MYH8: variants seen among roughly 807,000 people sequenced by gnomAD.
The protein encoded by MYH8 is myosin-8.
In MYH8, 168 loss-of-function variants were observed where a neutral mutation model predicts 233.2. The ratio of observed to expected loss-of-function variants is 0.72; its 90% CI spans 0.64 to 0.82. MYH8 has a LOEUF of 0.82. Ranked by LOEUF, MYH8 falls within the 40% of genes least tolerant of loss-of-function variation. The pLI, the probability that MYH8 is intolerant of heterozygous loss-of-function variation, is 0.00. For missense variants in MYH8, 1,995 were observed against 2,327.8 expected, an observed-to-expected ratio of 0.86 and a Z score of 2.94; for synonymous variants, 785 against 850.6, an observed-to-expected ratio of 0.92 and a Z score of 1.34.
chr17:10,392,648 T>G lies in MYH8; in HGVS notation c.5464-2A>C. The G allele has an allele frequency of 6.2e-7, 1 of 1,614,110 alleles. No individual in the cohort carries two copies. Among genetic ancestry groups the G allele is most frequent in the Non-Finnish European group, 8.5e-7 (1 of 1,179,980 alleles). On this transcript the variant is annotated splice_acceptor_variant, in intron 37 of 39. Coordinates refer to ENST00000403437, the MANE Select transcript of MYH8 (RefSeq NM_002472.3). LOFTEE classifies it high-confidence loss of function. ...AACCTCTCCTTCAAGCTCACGTACC[T>G]GCAGCCAAGAAAAATACTTACGCAG...
intron 15 of MYH8, among the ~76,000 whole-genome samples, chr17:10,410,396 C>G (rs1470717185): frequency 6.6e-6 from 1 of 152,190 alleles, no homozygotes; most frequent in African/African-American, 2.4e-5. Flanking sequence ...CATGAAAGCA[C>G]TAACTGTGTC....
chr17:10,404,906 G>A (rs544242862), intron 21 of MYH8, among the ~76,000 whole-genome samples: 2 of 152,230 alleles, frequency 1.3e-5, no homozygotes, highest in East Asian at 3.9e-4. Context: ...TATTTTGAAT[G>A]TATGATCAGC....
chr17:10,405,914 G>A, intron 21 of MYH8, 127 bp downstream of exon 21: 3 of 1,157,186 alleles, frequency 2.6e-6, no homozygotes, highest in Non-Finnish European at 3.8e-6. Context: ...CTGCTGTGTT[G>A]TAGGAGTGAG....
In MYH8 at chr17:10,420,130, G is replaced by C. The variant is rs753981095; in HGVS notation, c.98C>G (p.Pro33Arg). Residue 33 changes from proline (P) to arginine (R), a missense_variant, in exon 3 of 40, where the codon CCG becomes CGG. Pro to Arg is a moderately radical substitution (Grantham distance 103, BLOSUM62 -2). This residue lies in a region of MYH8 where 479 missense variants were observed against 600.9 expected (regional missense o/e 0.80). Coordinates refer to ENST00000403437, the MANE Select transcript of MYH8 (RefSeq NM_002472.3). ...EKERIEAQNK[P>R]FDAKTSVFVA... The stretch of plus-strand genomic sequence containing the variant: ...AAAGACAGATGTTTTAGCATCAAAC[G>C]GCTTGTTTTGGGCCTCAATCCGCTC... The C allele has an allele frequency of 2.5e-6, 4 of 1,614,190 alleles. No homozygotes were observed. Among genetic ancestry groups the C allele is most frequent in the South Asian group, 2.2e-5 (2 of 91,086 alleles).
At chr17:10,401,892 C>T in intron 22 of MYH8, 107 bp from the exon 23 acceptor site, 1 of 1,425,738 alleles carries the variant, frequency 7.0e-7, no homozygotes, top group Non-Finnish European at 9.8e-7. Flanking sequence ...TTGAATTTTT[C>T]AGTATGAATA....
rs886052556 is a variant in MYH8, at chr17:10,395,185, C to T, written c.4910G>A (p.Arg1637His). 2.9e-5 allele frequency: 46 copies of T among 1,613,960 alleles called. No individual in the cohort carries two copies. Among genetic ancestry groups the T allele is most frequent in the Non-Finnish European group, 3.4e-5 (40 of 1,180,034 alleles). Residue 1637 changes from arginine (R) to histidine (H), a missense_variant, in exon 34 of 40, where the codon CGC (arginine) becomes CAC (histidine). Physicochemically the swap from Arg to His is conservative, Grantham distance 29. This residue lies in a region of MYH8 where 1,498 missense variants were observed against 1,680.9 expected (regional missense o/e 0.89). Coordinates refer to ENST00000403437, the MANE Select transcript of MYH8 (RefSeq NM_002472.3). The stretch of plus-strand genomic sequence containing the variant: ...GTTCCTTAAACTCTCTGCAGCTAAG[C>T]GATTGGCATGGTTCAGCTGGATTTC... ...EMEIQLNHAN[R>H]LAAESLRNYR...
Position 10,415,770 on chromosome 17 carries a change from C to T in MYH8, c.512-62G>A. On this transcript the variant is annotated intron_variant, in intron 5 of 39. Transcript: ENST00000403437. This position sits in a 1 kb window ranked among gnomAD's most constrained non-coding sequence, Gnocchi z 4.1. ...ATATTTAATATGAAGAGTATTGAAT[C>T]AGTTCAGATCAAACACAGCTTGTTC... is the stretch of plus-strand genomic sequence containing the variant. 6.6e-7 allele frequency: 1 copy of T among 1,520,664 alleles called. No homozygotes were observed. The highest frequency in any genetic ancestry group is 9.0e-7 in the Non-Finnish European group (1 of 1,109,206). The allele number at this position is 1,520,664 out of a possible 1,614,324, so 94.2% of individuals were successfully genotyped here.
chr17:10,402,875 T>C (rs2072156300), intron 22 of MYH8, among the ~76,000 whole-genome samples: 1 of 152,210 alleles, frequency 6.6e-6, no homozygotes, highest in African/African-American at 2.4e-5. Flanking sequence ...ATACACAACA[T>C]GGGCAATAGG....
At position 10,391,885 on chromosome 17, in the gene MYH8, C is replaced by T. The variant is rs1328046232; in HGVS notation, c.5661G>A (p.Glu1887=). The part of the protein sequence containing the change: ...KVKSYKRQAE[E]AEEQSNANLS... Reference sequence around the variant, plus strand: ...TCAAGGGCTTAAAGATACTTACAGCCTCCTCAGCTTGTCTCTTGTATGATT... The same window carrying T: ...TCAAGGGCTTAAAGATACTTACAGCTTCCTCAGCTTGTCTCTTGTATGATT... The change falls in exon 39 of 40, where the codon GAG becomes GAA. Residue 1887 remains glutamate (E), a synonymous_variant. Transcript: ENST00000403437. 2 of 1,613,086 alleles carry T rather than the reference C, an allele frequency of 1.2e-6. No homozygotes were observed. The highest frequency in any genetic ancestry group is 1.7e-6 in the Non-Finnish European group (2 of 1,179,174).
rs770630534 is a variant in MYH8, at chr17:10,392,908, G to A, written c.5386C>T (p.Leu1796=). Residue 1796 remains leucine (L), a synonymous_variant, in exon 37 of 40, where the codon CTG becomes TTG. Transcript: ENST00000403437. ...KKNLEQTVKD[L]QHRLDEAEQL... ...TCGGCCTCATCTAGACGATGCTGCA[G>A]GTCCTTCACCGTCTGCTCCAGGTTC... 6.2e-7 allele frequency: 1 copy of A among 1,614,222 alleles called. No individual in the cohort carries two copies.
intron 17 of MYH8, among the ~76,000 whole-genome samples, chr17:10,407,996 A>C (rs1362296172): frequency 6.7e-6 from 1 of 148,958 alleles, no homozygotes; most frequent in Admixed American, 6.7e-5. Flanking sequence ...GCTGGAGTAC[A>C]GTGGTGCAAT....
Position 10,401,165 on chromosome 17 carries a change from C to T in MYH8, c.3135G>A (p.Lys1045=), listed in dbSNP as rs1454572646. The change falls in exon 25 of 40, where the codon AAG becomes AAA. Residue 1045 remains lysine, a synonymous_variant. Transcript: ENST00000403437. ...CTCTTTCTAGATCCATTCGAAGCTT[C>T]TTTTCTTGTTCCAGAGACCCTTCAA... ...DDLEGSLEQE[K]KLRMDLERAK... 1.9e-6 allele frequency: 3 copies of T among 1,613,572 alleles called. No individual in the cohort carries two copies. Among genetic ancestry groups the T allele is most frequent in the East Asian group, 4.5e-5 (2 of 44,894 alleles).
chr17:10,400,887 C>A lies in MYH8; in HGVS notation c.3327G>T (p.Lys1109Asn), dbSNP rs1392400393. ...GACTCACCTGCAACTCTTTGATCTT[C>A]TTCTGTAGTTGAATTTCTACAGCTT... Reference protein sequence around the residue: ...DEQAVEIQLQKKIKELQARIE... With the variant: ...DEQAVEIQLQNKIKELQARIE... Residue 1109 changes from lysine (K) to asparagine (N), a missense_variant, in exon 26 of 40, where the codon AAG becomes AAT. By Grantham distance (94) the Lys-to-Asn change is moderately conservative. This residue lies in a region of MYH8 where 1,498 missense variants were observed against 1,680.9 expected (regional missense o/e 0.89). Coordinates refer to ENST00000403437, the MANE Select transcript of MYH8 (RefSeq NM_002472.3). This position sits in a 1 kb window ranked among gnomAD's most constrained non-coding sequence, Gnocchi z 4.0. The A allele has an allele frequency of 2.9e-5, 47 of 1,613,764 alleles. No homozygotes were observed. The highest frequency in any genetic ancestry group is 4.0e-5 in the Non-Finnish European group (47 of 1,180,042).
intron 35 of MYH8, 33 bp from the exon 36 acceptor site, chr17:10,393,243 T>A (rs888090987): frequency 3.1e-6 from 5 of 1,614,054 alleles, no homozygotes; most frequent in Non-Finnish European, 3.4e-6. Flanking sequence ...TTTACAAAAT[T>A]TGCAGTTTGC....
rs2072315168 is a variant in MYH8, at chr17:10,419,168, C to T, written c.211-138G>A. The T allele has an allele frequency of 2.9e-6, 3 of 1,034,120 alleles. No homozygotes were observed. The highest frequency in any genetic ancestry group is 1.6e-5 in the African/African-American group (1 of 62,908). The allele number at this position is 1,034,120 out of a possible 1,614,324, so 64.1% of individuals were successfully genotyped here. On this transcript the variant is annotated intron_variant, in intron 3 of 39. Coordinates refer to ENST00000403437, the MANE Select transcript of MYH8 (RefSeq NM_002472.3). This position sits in a 1 kb window ranked among gnomAD's most constrained non-coding sequence, Gnocchi z 4.0. ...CGCCCTCCTGCTTCAAGTGATTGTC[C>T]TGCCTCAGCCTTCTGAGTAGCTGGG...
rs2072296756 is a variant in MYH8 at position 10,417,197 on chromosome 17, G to A, written c.511+1448C>T. Among the ~76,000 whole-genome samples the A allele has an allele frequency of 6.6e-6, 1 of 152,098 alleles. No individual in the cohort carries two copies. Among genetic ancestry groups the A allele is most frequent in the African/African-American group, 2.4e-5 (1 of 41,412 alleles). On this transcript the variant is annotated intron_variant, in intron 5 of 39. Coordinates refer to ENST00000403437, the MANE Select transcript of MYH8 (RefSeq NM_002472.3). The surrounding 1 kb of genome is among the most constrained non-coding windows in gnomAD (Gnocchi z 4.1). ...TCACTAATTATGTGACTGATATGTT[G>A]TATTTACATCAATTTGCTGATTTGT...
intron 12 of MYH8, 107 bp from the exon 13 acceptor site, chr17:10,412,835 A>T: frequency 8.8e-7 from 1 of 1,135,616 alleles, no homozygotes; most frequent in Non-Finnish European, 1.3e-6. Flanking sequence ...AAAAGCTTAA[A>T]TAATTCTATA....
rs1041757739 is a variant in MYH8 at position 10,419,838 on chromosome 17, T to G, written c.210+180A>C. On this transcript the variant is annotated intron_variant, in intron 3 of 39. Coordinates refer to ENST00000403437, the MANE Select transcript of MYH8 (RefSeq NM_002472.3). This position sits in a 1 kb window ranked among gnomAD's most constrained non-coding sequence, Gnocchi z 4.0. ...AGTGGGGTGAGGTCCTGTGCGAAGT[T>G]GGGAAGGGAAGACATGAAGGTACTG... Among the ~76,000 whole-genome samples the G allele has an allele frequency of 7.2e-5, 11 of 152,166 alleles. No homozygotes were observed. Among genetic ancestry groups the G allele is most frequent in the Non-Finnish European group, 1.3e-4 (9 of 68,034 alleles).
intron 22 of MYH8, among the ~76,000 whole-genome samples, chr17:10,403,561 A>G (rs2072161151): frequency 6.6e-6 from 1 of 152,176 alleles, no homozygotes; most frequent in Non-Finnish European, 1.5e-5. Context: ...CTGTGAAAAG[A>G]TGGTAAGATA....
Sources: gnomAD v4.1 joint callset for allele counts (sites outside exome capture counted in the v4.1 genomes callset) on GRCh38, gnomAD v4.1.1 for gene constraint, gnomAD v4.1.1 regional missense constraint, Gnocchi (gnomAD v3.1) non-coding constraint, MANE v1.5 for transcripts, NCBI Gene and HGNC (gene_info 2026-07-23, HGNC 2026-07-21) for gene names.